DPRX: variants seen among roughly 807,000 people sequenced by gnomAD.
DPRX encodes divergent paired-related homeobox.
In DPRX, 11 loss-of-function variants were observed where a neutral mutation model predicts 8.4. The ratio of observed to expected loss-of-function variants is 1.31; its 90% CI spans 0.82 to 2.17. The LOEUF is 2.17. Ranked by LOEUF, DPRX falls within the 30% of genes most tolerant of loss-of-function variation. DPRX has a pLI of 0.00. For synonymous variants in DPRX, 72 were observed against 87.0 expected (o/e 0.83, Z 0.96); for missense variants, 211 against 236.7 (o/e 0.89, Z 0.71).
the DPRX span, among the ~76,000 whole-genome samples, chr19:53,621,646 A>C: frequency 6.6e-6 from 1 of 152,008 alleles, no homozygotes; most frequent in Non-Finnish European, 1.5e-5. Flanking sequence ...TTAGCTGGGC[A>C]TGGTGGTCAG....
chr19:53,633,237 T>C (rs972249574), intron 1 of DPRX, among the ~76,000 whole-genome samples: 1 of 152,164 alleles, frequency 6.6e-6, no homozygotes, highest in African/African-American at 2.4e-5. Flanking sequence ...GAGGCTGAAG[T>C]GAGCTGTGAT....
chr19:53,634,540 A>G, exon 2 of DPRX: 1 of 1,612,954 alleles, frequency 6.2e-7, no homozygotes, highest in Non-Finnish European at 8.5e-7. Flanking sequence ...GGCAAGGACC[A>G]GATGCATTCA....
the DPRX span, among the ~76,000 whole-genome samples, chr19:53,612,712 GAAAA>G: frequency 6.7e-6 from 1 of 149,088 alleles, no homozygotes; most frequent in African/African-American, 2.5e-5. Context: ...GTCTCAAAAA[GAAAA>G]AAAGAAAAAA....
In DPRX at chr19:53,636,530, T is replaced by C. The variant is rs141934287; in HGVS notation, c.184-66T>C. 2,111 of 1,287,326 alleles carry C rather than the reference T, an allele frequency of 1.6e-3. 5 individuals are homozygous for C. The highest frequency in any genetic ancestry group is 2.0e-3 in the Admixed American group (69 of 35,182). The allele number at this position is 1,287,326 out of a possible 1,614,324, so 79.7% of individuals were successfully genotyped here. A position where few individuals can be genotyped will look rare whatever the true frequency, so the allele number is the denominator to read the frequency against. ...CAAAATAAAAATTAAAAAGTAAAAA[T>C]TTTTTAAAAATAGAATGACAAGTCA... On this transcript the variant is annotated intron_variant, in intron 2 of 2. Coordinates refer to ENST00000376650, the Ensembl canonical transcript of DPRX.
At chr19:53,620,291 G>C in the DPRX span, among the ~76,000 whole-genome samples, 3 of 151,918 alleles carry the variant, frequency 2.0e-5, no homozygotes, top group East Asian at 1.9e-4. Context: ...GGATGGTCTC[G>C]ATCTCCTGAC....
chr19:53,614,003 G>A, the DPRX span, among the ~76,000 whole-genome samples: 2 of 151,524 alleles, frequency 1.3e-5, no homozygotes, highest in East Asian at 3.9e-4. Flanking sequence ...CCAGGCTGGA[G>A]TGCAGTGGCC....
the DPRX span, among the ~76,000 whole-genome samples, chr19:53,615,860 T>C: frequency 0.027 from 4,118 of 151,992 alleles, 167 homozygotes; most frequent in African/African-American, 0.089. Flanking sequence ...CCTAGCACTT[T>C]GGGAGGCCAA....
At chr19:53,634,684 A>C (rs774276334) in exon 2 of DPRX, 2 of 1,610,068 alleles carry the variant, frequency 1.2e-6, no homozygotes, top group Non-Finnish European at 1.7e-6. Context: ...ACAGTACTGC[A>C]GGTTGGAAAA....
upstream of DPRX, among the ~76,000 whole-genome samples, chr19:53,628,177 G>A (rs185542325): frequency 2.0e-5 from 3 of 152,076 alleles, no homozygotes; most frequent in African/African-American, 4.8e-5. Flanking sequence ...AGTGGCCCAC[G>A]CCTATAATCC....
the DPRX span, among the ~76,000 whole-genome samples, chr19:53,617,868 G>A: frequency 2.0e-5 from 3 of 151,916 alleles, no homozygotes; most frequent in South Asian, 2.1e-4. Flanking sequence ...AGCCAGGCGC[G>A]GTGGCTCACT....
the DPRX span, among the ~76,000 whole-genome samples, chr19:53,612,039 G>T: frequency 6.6e-6 from 1 of 151,262 alleles, no homozygotes; most frequent in African/African-American, 2.4e-5. Context: ...AGCCGAGATC[G>T]TGCCACTGCA....
At chr19:53,631,967 T>G, upstream of DPRX, 2 of 1,104,172 alleles carry the variant, frequency 1.8e-6, no homozygotes, top group East Asian at 2.4e-5. Flanking sequence ...CGAGGGATCA[T>G]ATTGGAGGCA....
the DPRX span, among the ~76,000 whole-genome samples, chr19:53,610,831 G>A: frequency 1.3e-5 from 2 of 152,144 alleles, no homozygotes; most frequent in Admixed American, 1.3e-4. Context: ...GCCCAGGGAA[G>A]CCAAAAGATT....
chr19:53,624,460 T>C, the DPRX span, among the ~76,000 whole-genome samples: 2 of 151,710 alleles, frequency 1.3e-5, no homozygotes, highest in Non-Finnish European at 2.9e-5. Flanking sequence ...TAGAGTGCAG[T>C]GGCTTGATCT....
At chr19:53,605,949 G>A in the DPRX span, among the ~76,000 whole-genome samples, 4 of 152,130 alleles carry the variant, frequency 2.6e-5, no homozygotes, top group African/African-American at 4.8e-5. Context: ...GGTTATAGGC[G>A]TGAGCCACTG....
chr19:53,601,795 G>C, the DPRX span, among the ~76,000 whole-genome samples: 1 of 152,078 alleles, frequency 6.6e-6, no homozygotes. Context: ...TGCCTGTTCT[G>C]AGTAGGTATT....
At chr19:53,603,793 GATTGCAGTGGCACA>G in the DPRX span, among the ~76,000 whole-genome samples, 279 of 148,176 alleles carry the variant, frequency 1.9e-3, 2 homozygotes, top group African/African-American at 6.5e-3. Flanking sequence ...ACCCAGGCTG[GATTGCAGTGGCACA>G]ATCTCAGCTC....
the DPRX span, among the ~76,000 whole-genome samples, chr19:53,621,258 G>T: frequency 3.3e-5 from 5 of 151,984 alleles, no homozygotes; most frequent in Non-Finnish European, 7.4e-5. Context: ...TCAGCCTCTG[G>T]AGTAGCTGGG....
chr19:53,625,891 G>C, the DPRX span, among the ~76,000 whole-genome samples: 2 of 152,002 alleles, frequency 1.3e-5, no homozygotes, highest in Non-Finnish European at 2.9e-5. Context: ...GCCTGCCTCA[G>C]CCTCCCATAG....
Sources: gnomAD v4.1 joint callset for allele counts (sites outside exome capture counted in the v4.1 genomes callset) on GRCh38, gnomAD v4.1.1 for gene constraint, MANE v1.5 for transcripts, NCBI Gene and HGNC (gene_info 2026-07-23, HGNC 2026-07-21) for gene names.